The following TSEN2 variants were observed in gnomAD, a reference collection of about 807,000 sequenced individuals.
The protein encoded by TSEN2 is tRNA-splicing endonuclease subunit Sen2.
In TSEN2, 54 loss-of-function variants were observed where a neutral mutation model predicts 59.2. The observed-to-expected ratio is 0.91, with a 90% CI of 0.73 to 1.14. TSEN2 has a LOEUF of 1.14. TSEN2 is among the 50% of genes most tolerant of loss of function. TSEN2 has a pLI of 0.00. For missense variants in TSEN2, 636 were observed against 576.2 expected (o/e 1.10, Z -1.06); for synonymous variants, 195 against 198.2 (o/e 0.98, Z 0.14).
chr3:12,484,770 C>T lies in TSEN2; in HGVS notation c.-128C>T, dbSNP rs764706722. On this transcript the variant is annotated 5_prime_UTR_variant, in exon 1 of 12. Transcript: ENST00000284995. ...TTCTTGGAAACGCCGGCGCCTTGTT[C>T]AGGGCTGGTGGGGCTGGGGCGCAAG... is the stretch of plus-strand genomic sequence containing the variant. 2.0e-5 allele frequency: 3 copies of T among 152,258 alleles called. No homozygotes were observed. The highest frequency in any genetic ancestry group is 2.9e-5 in the Non-Finnish European group (2 of 68,104). The allele number at this position is 152,258 out of a possible 1,614,324, so 9.4% of individuals were successfully genotyped here. A position where few individuals can be genotyped will look rare whatever the true frequency, so the allele number is the denominator to read the frequency against.
At chr3:12,502,876 A>G (rs145345516) in intron 4 of TSEN2, among the ~76,000 whole-genome samples, 3,708 of 152,170 alleles carry the variant, frequency 0.024, 67 homozygotes, top group South Asian at 0.06. Context: ...GATCGAGACC[A>G]TCCTGGCCAA....
Position 12,516,444 on chromosome 3 carries a change from ATATGTGTG to A in TSEN2, c.910-165_910-158del, listed in dbSNP as rs1414230075. ...CGTTTCAAAAACAAACAAACAAAAT[ATATGTGTG>A]TGTGTGTGTGTGTGTGTGTGTGTGT... On this transcript the variant is annotated intron_variant, in intron 6 of 11. Transcript: ENST00000284995. 9.8e-3 allele frequency among the ~76,000 whole-genome samples: 507 copies of A among 51,632 alleles called. 5 individuals are homozygous for A. The highest frequency in any genetic ancestry group is 0.042 in the African/African-American group (483 of 11,590). The allele number at this position is 51,632 out of a possible 152,430, so 33.9% of individuals were successfully genotyped here.
At chr3:12,519,836 G>A (rs56785134) in intron 8 of TSEN2, among the ~76,000 whole-genome samples, 300 of 152,218 alleles carry the variant, frequency 2.0e-3, no homozygotes, top group African/African-American at 6.7e-3. Context: ...CCTTATCCCC[G>A]GGCCTCAGTG....
intron 11 of TSEN2, 125 bp from the exon 12 acceptor site, chr3:12,532,535 AAG>A: frequency 1.2e-6 from 1 of 830,144 alleles, no homozygotes; most frequent in Non-Finnish European, 2.0e-6. Flanking sequence ...TTCTGTTCTA[AAG>A]GTGGGAACAG....
chr3:12,487,348 C>T (rs375235350), intron 1 of TSEN2, among the ~76,000 whole-genome samples: 1 of 152,188 alleles, frequency 6.6e-6, no homozygotes, highest in Non-Finnish European at 1.5e-5. Flanking sequence ...AGAGTTCTTT[C>T]GATCAAGTGT....
chr3:12,531,505 C>A, intron 10 of TSEN2, 65 bp from the exon 11 acceptor site: 1 of 1,087,092 alleles, frequency 9.2e-7, no homozygotes, highest in Non-Finnish European at 1.4e-6. Flanking sequence ...GCATTTCCTG[C>A]TGATGCACCC....
At chr3:12,481,668 A>C (rs945704104), upstream of TSEN2, among the ~76,000 whole-genome samples, 1 of 152,172 alleles carries the variant, frequency 6.6e-6, no homozygotes, top group Non-Finnish European at 1.5e-5. Flanking sequence ...CTGCGAGTTC[A>C]GTGTTGATGA....
rs752530429 is a variant in TSEN2 at position 12,489,845 on chromosome 3, G to GT, written c.46dup (p.Tyr16LeufsTer2). 6.2e-7 allele frequency: 1 copy of GT among 1,614,016 alleles called. No individual in the cohort carries two copies. The highest frequency in any genetic ancestry group is 1.1e-5 in the South Asian group (1 of 91,080). On this transcript the variant is annotated frameshift_variant, in exon 2 of 12. Transcript: ENST00000284995. LOFTEE classifies it high-confidence loss of function. ...ATGCCCCAAAGAGGAAAAGAAGAGT[G>GT]TATGAGACTTACGAGTCTCCATTGC...
Position 12,529,829 on chromosome 3 carries a change from A to G in TSEN2, c.1204A>G (p.Lys402Glu). The G allele has an allele frequency of 6.2e-7, 1 of 1,614,152 alleles. No homozygotes were observed. Among genetic ancestry groups the G allele is most frequent in the Non-Finnish European group, 8.5e-7 (1 of 1,180,020 alleles). The change falls in exon 10 of 12, where the codon AAG (lysine) becomes GAG (glutamate). Residue 402 changes from lysine to glutamate, a missense_variant. By Grantham distance (56) the Lys-to-Glu change is moderately conservative. Coordinates refer to ENST00000284995, the MANE Select transcript of TSEN2 (RefSeq NM_025265.4). ...EGSLRRPLSW[K>E]SLAALSRVSV... ...CTCTCTCCGCAGGCCTCTCAGTTGG[A>G]AGTCCCTGGCTGCCTTGAGCAGAGT...
At chr3:12,516,444 ATATGTGTGTG>A (rs1157250243) in intron 6 of TSEN2, among the ~76,000 whole-genome samples, 157 bp from the exon 7 acceptor site, 40 of 51,632 alleles carry the variant, frequency 7.7e-4, no homozygotes, top group African/African-American at 3.2e-3. Context: ...CAAACAAAAT[ATATGTGTGTG>A]TGTGTGTGTG....
At chr3:12,515,308 T>C (rs1424404902) in intron 6 of TSEN2, among the ~76,000 whole-genome samples, 2 of 152,162 alleles carry the variant, frequency 1.3e-5, no homozygotes, top group Non-Finnish European at 2.9e-5. Flanking sequence ...AGTTTGTCAG[T>C]GCGTTGTTGC....
At chr3:12,506,908 G>T in intron 6 of TSEN2, 1 of 979,276 alleles carries the variant, frequency 1.0e-6, no homozygotes, top group Non-Finnish European at 1.2e-6. Flanking sequence ...GAAAGTAATT[G>T]TGGGGGCCGG....
chr3:12,498,877 C>A (rs1397876232), intron 4 of TSEN2, among the ~76,000 whole-genome samples: 2 of 152,126 alleles, frequency 1.3e-5, no homozygotes, highest in South Asian at 2.1e-4. Context: ...AAAATTGATG[C>A]ATGTTCATAT....
At chr3:12,523,621 C>A (rs1314258694) in intron 8 of TSEN2, among the ~76,000 whole-genome samples, 1 of 144,206 alleles carries the variant, frequency 6.9e-6, no homozygotes, top group African/African-American at 2.6e-5. Flanking sequence ...CTCACTACAA[C>A]CTCTGCCTCC....
intron 8 of TSEN2, among the ~76,000 whole-genome samples, chr3:12,527,098 T>C (rs536837434): frequency 6.6e-6 from 1 of 152,378 alleles, no homozygotes; most frequent in South Asian, 2.1e-4. Context: ...ACATGGTTTC[T>C]TTCCAGTACA....
chr3:12,527,546 C>T (rs1307976630), intron 8 of TSEN2, among the ~76,000 whole-genome samples: 4 of 151,836 alleles, frequency 2.6e-5, no homozygotes, highest in South Asian at 2.1e-4. Flanking sequence ...CTCCGCCTCC[C>T]GGCCTTGAAC....
At chr3:12,515,013 G>C (rs1335615540) in intron 6 of TSEN2, 2 of 152,170 alleles carry the variant, frequency 1.3e-5, no homozygotes, top group Non-Finnish European at 1.5e-5. Flanking sequence ...ACGTCTTATA[G>C]TCACTGGAGA....
upstream of TSEN2, among the ~76,000 whole-genome samples, chr3:12,482,436 T>C (rs1206430778): frequency 6.6e-6 from 1 of 152,274 alleles, no homozygotes; most frequent in Non-Finnish European, 1.5e-5. Context: ...TGATGATTTA[T>C]TGGACTGTTT....
intron 10 of TSEN2, chr3:12,530,181 C>CT (rs2057374395): frequency 4.9e-6 from 6 of 1,212,960 alleles, no homozygotes; most frequent in African/African-American, 1.5e-5. Context: ...GGTATCGTTG[C>CT]TATGTGACTT....
Sources: gnomAD v4.1 joint callset for allele counts (sites outside exome capture counted in the v4.1 genomes callset) on GRCh38, gnomAD v4.1.1 for gene constraint, MANE v1.5 for transcripts, NCBI Gene and HGNC (gene_info 2026-07-23, HGNC 2026-07-21) for gene names.